The following SPG11 variants were observed in gnomAD, a reference collection of about 807,000 sequenced individuals.
SPG11 encodes the protein SPG11 vesicle trafficking associated, spatacsin.
In SPG11, 222 loss-of-function variants were observed where a neutral mutation model predicts 274.0. That is an observed-to-expected ratio of 0.81 (90% CI 0.73 to 0.91). SPG11 has a LOEUF of 0.91. SPG11 is among the 40% of genes least tolerant of loss of function. The pLI is 0.00. For missense variants in SPG11, 3,114 were observed against 2,872.7 expected, an observed-to-expected ratio of 1.08 and a Z score of -1.92; for synonymous variants, 1,144 against 1,039.7, an observed-to-expected ratio of 1.10 and a Z score of -1.93.
intron 20 of SPG11, 76 bp downstream of exon 20, chr15:44,605,949 G>T: frequency 8.2e-7 from 1 of 1,218,304 alleles, no homozygotes; most frequent in Non-Finnish European, 1.2e-6. Context: ...GAGAAAACTA[G>T]ATTGGCATTA....
intron 9 of SPG11, 147 bp from the exon 10 acceptor site, chr15:44,628,991 G>T: frequency 2.2e-6 from 2 of 905,012 alleles, no homozygotes; most frequent in Non-Finnish European, 3.5e-6. Context: ...CTTTTTACAA[G>T]TAAGTAGCTC....
intron 30 of SPG11, chr15:44,575,301 C>T (rs1211357194): frequency 4.5e-6 from 2 of 446,464 alleles, no homozygotes; most frequent in Non-Finnish European, 8.3e-6. Context: ...GAGATCAGCA[C>T]CAAAGATGCT....
intron 26 of SPG11, among the ~76,000 whole-genome samples, chr15:44,593,119 T>A (rs146556078): frequency 1.6e-3 from 243 of 152,392 alleles, no homozygotes; most frequent in African/African-American, 5.6e-3. Context: ...ATCAATTTTC[T>A]GTCTACTCTA....
At chr15:44,576,198 AT>A (rs1189597120) in intron 30 of SPG11, among the ~76,000 whole-genome samples, 2 of 147,458 alleles carry the variant, frequency 1.4e-5, no homozygotes, top group Non-Finnish European at 3.0e-5. Flanking sequence ...GAAGATATTA[AT>A]TTGATAAAGG....
At position 44,637,220 on chromosome 15, in the gene SPG11, C is replaced by T. The variant is rs187656387; in HGVS notation, c.1603-3583G>A. Among the ~76,000 whole-genome samples the T allele has an allele frequency of 1.6e-4, 25 of 152,258 alleles. 1 individual carries two copies. The East Asian group carries it at 4.4e-3, about 27-fold the overall frequency. On this transcript the variant is annotated intron_variant, in intron 7 of 39. Transcript: ENST00000261866. ...GAAGAAATTATCCACAATGTACCAA[C>T]GTCTCATAGTGGTTAAGAAGGATTG...
In SPG11 at chr15:44,598,640, C is replaced by G. The variant is rs2083105062; in HGVS notation, c.3883G>C (p.Glu1295Gln). 2 of 1,614,168 alleles carry G rather than the reference C, an allele frequency of 1.2e-6. No individual in the cohort carries two copies. The highest frequency in any genetic ancestry group is 1.7e-6 in the Non-Finnish European group (2 of 1,180,008). Residue 1295 changes from glutamate (E) to glutamine (Q), a missense_variant, in exon 22 of 40, where the codon GAG (glutamate) becomes CAG (glutamine). Coordinates refer to ENST00000261866, the MANE Select transcript of SPG11 (RefSeq NM_025137.4). Reference sequence around the variant, plus strand: ...ATAAAAGGTGCTGTACCTACAGACTCTCTGATAAAGCTGTACTGAGCATCT... The same window carrying G: ...ATAAAAGGTGCTGTACCTACAGACTGTCTGATAAAGCTGTACTGAGCATCT... ...NEDAQYSFIRESVAEKLSKLA... is the reference protein window; with the variant it reads ...NEDAQYSFIRQSVAEKLSKLA...
At chr15:44,594,863 C>T (rs1477597739) in intron 26 of SPG11, among the ~76,000 whole-genome samples, 1 of 152,222 alleles carries the variant, frequency 6.6e-6, no homozygotes, top group Non-Finnish European at 1.5e-5. Flanking sequence ...GTCATCCAGG[C>T]TGGAGTGCAG....
At chr15:44,587,706 A>AC (rs935594158) in intron 28 of SPG11, among the ~76,000 whole-genome samples, 3 of 150,892 alleles carry the variant, frequency 2.0e-5, no homozygotes, top group South Asian at 2.1e-4. Context: ...AAAAAAAAAA[A>AC]AAAAAAAAAA....
chr15:44,585,430 C>CAAAAAA (rs67858533), intron 29 of SPG11, among the ~76,000 whole-genome samples: 5 of 97,290 alleles, frequency 5.1e-5, no homozygotes, highest in Non-Finnish European at 7.7e-5. Flanking sequence ...ACTAAAAATA[C>CAAAAAA]AAAAAAAAAA....
At chr15:44,649,741 A>C (rs571682912) in intron 6 of SPG11, among the ~76,000 whole-genome samples, 3 of 151,988 alleles carry the variant, frequency 2.0e-5, no homozygotes, top group African/African-American at 7.2e-5. Flanking sequence ...AAAATACACA[A>C]AAATTTAGCC....
chr15:44,602,038 A>G (rs1389681705), intron 20 of SPG11, among the ~76,000 whole-genome samples: 2 of 152,226 alleles, frequency 1.3e-5, no homozygotes, highest in Non-Finnish European at 2.9e-5. Flanking sequence ...GTTGGTATAT[A>G]GAAACACTGA....
chr15:44,576,574 G>A (rs1052535206), intron 30 of SPG11, among the ~76,000 whole-genome samples: 1 of 151,526 alleles, frequency 6.6e-6, no homozygotes, highest in South Asian at 2.1e-4. Context: ...GCGTGAACCC[G>A]GGAGGTGGAG....
chr15:44,589,997 T>TG (rs1342104245), intron 27 of SPG11, among the ~76,000 whole-genome samples: 4 of 152,038 alleles, frequency 2.6e-5, no homozygotes, highest in Non-Finnish European at 4.4e-5. Context: ...TTAATAGAGA[T>TG]GGGGTTTCAC....
chr15:44,626,835 T>A (rs562397158), intron 10 of SPG11, among the ~76,000 whole-genome samples: 145 of 150,568 alleles, frequency 9.6e-4, no homozygotes, highest in African/African-American at 3.4e-3. Flanking sequence ...CCACATAGGC[T>A]TGCTAGTAGA....
rs1321002777 is a variant in SPG11, at chr15:44,621,849, T to G, written c.2530A>C (p.Lys844Gln). Reference sequence around the variant, plus strand: ...TTTAACACAATTCTATGGTCCTGTTTGTTAAATTCATCTTTACAATCATAT... The same window carrying G: ...TTTAACACAATTCTATGGTCCTGTTGGTTAAATTCATCTTTACAATCATAT... ...LKYDCKDEFNKQDHRIVLNWA... is the reference protein window; with the variant it reads ...LKYDCKDEFNQQDHRIVLNWA... Residue 844 changes from lysine (K) to glutamine (Q), a missense_variant, in exon 14 of 40, where the codon AAA (lysine) becomes CAA (glutamine). Transcript: ENST00000261866. 1.2e-6 allele frequency: 2 copies of G among 1,613,986 alleles called. No homozygotes were observed. The highest frequency in any genetic ancestry group is 3.3e-5 in the Admixed American group (2 of 60,028).
At chr15:44,621,480 G>A (rs1397802746) in intron 14 of SPG11, 2 of 411,762 alleles carry the variant, frequency 4.9e-6, no homozygotes, top group African/African-American at 4.1e-5. Flanking sequence ...AGAAGCTCAA[G>A]ACTATTTGAA....
At chr15:44,661,605 G>A (rs2085109137) in intron 1 of SPG11, among the ~76,000 whole-genome samples, 1 of 151,552 alleles carries the variant, frequency 6.6e-6, no homozygotes, top group South Asian at 2.1e-4. Flanking sequence ...GTATTAATAT[G>A]TCCTTATTAG....
intron 5 of SPG11, 29 bp from the exon 6 acceptor site, chr15:44,651,968 A>G (rs1317946819): frequency 1.9e-6 from 3 of 1,598,682 alleles, no homozygotes; most frequent in African/African-American, 2.7e-5. Flanking sequence ...ATAACTTAAC[A>G]CCTGTCACAG....
intron 30 of SPG11, among the ~76,000 whole-genome samples, chr15:44,579,017 G>T (rs907457003): frequency 3.2e-4 from 49 of 151,372 alleles, no homozygotes; most frequent in Non-Finnish European, 8.8e-5. Context: ...AATTAGCCAG[G>T]TGTGGTGGTG....
Sources: allele counts gnomAD v4.1 joint callset (sites outside exome capture counted in the v4.1 genomes callset), GRCh38; gene constraint gnomAD v4.1.1; transcripts MANE v1.5; gene names NCBI Gene and HGNC (gene_info 2026-07-23, HGNC 2026-07-21).